The following RIT2 variants were observed in gnomAD, a reference collection of about 807,000 sequenced individuals.
RIT2 encodes the protein Ras like without CAAX 2, also known as GTP-binding protein Rit2.
RIT2 carries 24 observed loss-of-function variants against 23.7 expected under a neutral mutation model. The observed-to-expected ratio is 1.01, with a 90% confidence interval of 0.73 to 1.43. The LOEUF is 1.43. Among genes scored for constraint, RIT2 ranks in the 40% most tolerant of loss-of-function variants. The probability of loss-of-function intolerance (pLI) is 0.00; values close to 1 mark genes in which losing one functional copy is unlikely to be tolerated. For synonymous variants in RIT2, 107 were observed against 91.1 expected, an observed-to-expected ratio of 1.17 and a Z score of -0.99; for missense variants, 236 against 266.9, an observed-to-expected ratio of 0.88 and a Z score of 0.81.
intron 4 of RIT2, among the ~76,000 whole-genome samples, chr18:42,877,625 T>C (rs987845441): frequency 6.6e-6 from 1 of 151,444 alleles, no homozygotes; most frequent in Non-Finnish European, 1.5e-5. Context: ...TAGATAAATA[T>C]GTATGTTTAT....
intron 2 of RIT2, among the ~76,000 whole-genome samples, chr18:42,986,454 GGTTT>G (rs1160231126): frequency 1.3e-5 from 2 of 151,930 alleles, no homozygotes; most frequent in Non-Finnish European, 2.9e-5. Flanking sequence ...TTAGTTGGTT[GGTTT>G]GTTAATAGTA....
At chr18:42,866,650 AAAAAG>A (rs1350811790) in intron 4 of RIT2, among the ~76,000 whole-genome samples, 1 of 151,784 alleles carries the variant, frequency 6.6e-6, no homozygotes, top group Admixed American at 6.6e-5. Flanking sequence ...GAAAAAAAAA[AAAAAG>A]AAAACACCCC....
chr18:42,900,385 C>T (rs1908443500), intron 4 of RIT2, among the ~76,000 whole-genome samples: 2 of 152,012 alleles, frequency 1.3e-5, no homozygotes, highest in African/African-American at 4.8e-5. Context: ...CATGCCATGA[C>T]AGGCAGACGC....
At chr18:43,102,343 A>G (rs1423661214) in intron 1 of RIT2, among the ~76,000 whole-genome samples, 2 of 151,936 alleles carry the variant, frequency 1.3e-5, no homozygotes, top group East Asian at 1.9e-4. Flanking sequence ...ACTTAGAACC[A>G]TGGGGGTAAA....
At chr18:43,115,215 A>T (rs914480051) in intron 1 of RIT2, among the ~76,000 whole-genome samples, 2 of 152,188 alleles carry the variant, frequency 1.3e-5, no homozygotes, top group Non-Finnish European at 2.9e-5. Flanking sequence ...TCTGAGGATC[A>T]TCACTGGCTG....
At chr18:42,805,318 AG>A (rs1905652519) in intron 4 of RIT2, among the ~76,000 whole-genome samples, 1 of 152,166 alleles carries the variant, frequency 6.6e-6, no homozygotes, top group Non-Finnish European at 1.5e-5. Context: ...AGAGAATTGG[AG>A]CCTGATTACC....
At chr18:42,840,441 T>A (rs558703821) in intron 4 of RIT2, among the ~76,000 whole-genome samples, 1 of 152,356 alleles carries the variant, frequency 6.6e-6, no homozygotes, top group South Asian at 2.1e-4. Flanking sequence ...AAGAACTTAC[T>A]GTATGGCAAT....
chr18:42,846,017 G>A (rs1313824526), intron 4 of RIT2, among the ~76,000 whole-genome samples: 1 of 151,834 alleles, frequency 6.6e-6, no homozygotes, highest in African/African-American at 2.4e-5. Flanking sequence ...AACTAAAAAT[G>A]TAGTAGGTAA....
At chr18:42,873,052 G>A (rs965223534) in intron 4 of RIT2, among the ~76,000 whole-genome samples, 2 of 152,226 alleles carry the variant, frequency 1.3e-5, no homozygotes, top group Non-Finnish European at 2.9e-5. Flanking sequence ...GATGGAAGAC[G>A]CTGCTTGGGC....
chr18:42,919,101 C>A (rs1204164846), intron 4 of RIT2, among the ~76,000 whole-genome samples: 2 of 152,054 alleles, frequency 1.3e-5, no homozygotes, highest in African/African-American at 4.8e-5. Flanking sequence ...ATTACTCATG[C>A]CTTTACTATA....
intron 4 of RIT2, among the ~76,000 whole-genome samples, chr18:42,921,024 A>G (rs1909043754): frequency 6.6e-6 from 1 of 152,072 alleles, no homozygotes; most frequent in Admixed American, 6.6e-5. Context: ...ACAGTGTTTT[A>G]GTCTTAATTT....
At chr18:42,822,976 G>T (rs1906194430) in intron 4 of RIT2, among the ~76,000 whole-genome samples, 1 of 152,106 alleles carries the variant, frequency 6.6e-6, no homozygotes, top group Admixed American at 6.6e-5. Context: ...GATTCCCACT[G>T]TTGAGACTGT....
intron 1 of RIT2, among the ~76,000 whole-genome samples, chr18:43,059,023 C>T (rs971472800): frequency 2.0e-5 from 3 of 152,046 alleles, no homozygotes; most frequent in Non-Finnish European, 4.4e-5. Context: ...CTACTGGCCC[C>T]ACACCAAAAA....
intron 1 of RIT2, among the ~76,000 whole-genome samples, chr18:43,040,913 T>C (rs1427276556): frequency 1.3e-5 from 2 of 152,190 alleles, no homozygotes; most frequent in African/African-American, 4.8e-5. Flanking sequence ...CTAAATTATC[T>C]GAATAAGCCC....
At chr18:42,761,555 A>T (rs1233157066) in intron 4 of RIT2, among the ~76,000 whole-genome samples, 1 of 152,182 alleles carries the variant, frequency 6.6e-6, no homozygotes, top group African/African-American at 2.4e-5. Context: ...TAACAAACTA[A>T]TTGTTTATAA....
chr18:43,052,208 T>C (rs1198792933), intron 1 of RIT2, among the ~76,000 whole-genome samples: 1 of 152,130 alleles, frequency 6.6e-6, no homozygotes, highest in Non-Finnish European at 1.5e-5. Context: ...ACTTATATTA[T>C]GTATGTAACT....
chr18:42,804,237 A>G (rs1470975898), intron 4 of RIT2, among the ~76,000 whole-genome samples: 2 of 152,270 alleles, frequency 1.3e-5, no homozygotes, highest in African/African-American at 4.8e-5. Context: ...TCACTCCAAC[A>G]TGGATTAAGA....
chr18:43,083,550 G>A (rs1054150155), intron 1 of RIT2, among the ~76,000 whole-genome samples: 9 of 152,106 alleles, frequency 5.9e-5, no homozygotes, highest in African/African-American at 2.2e-4. Flanking sequence ...CAATGGAACA[G>A]AACAGAGGCC....
intron 3 of RIT2, among the ~76,000 whole-genome samples, chr18:42,928,320 C>A (rs1027373426): frequency 6.6e-6 from 1 of 151,872 alleles, no homozygotes; most frequent in Non-Finnish European, 1.5e-5. Flanking sequence ...GAGAAAACGG[C>A]AAGAACAGTT....
Sources: allele counts gnomAD v4.1 joint callset (sites outside exome capture counted in the v4.1 genomes callset), GRCh38; gene constraint gnomAD v4.1.1; transcripts MANE v1.5; gene names NCBI Gene and HGNC (gene_info 2026-07-23, HGNC 2026-07-21).